The following BRINP2 variants were observed in gnomAD, a reference collection of about 807,000 sequenced individuals.
BRINP2 encodes BMP/retinoic acid-inducible neural-specific protein 2.
A neutral mutation model predicts 69.2 loss-of-function variants in BRINP2; 21 were observed. That is an observed-to-expected ratio of 0.30 (90% CI 0.22 to 0.44). BRINP2 has a LOEUF of 0.44. Ranked by LOEUF, BRINP2 falls within the 20% of genes least tolerant of loss-of-function variation. The probability of loss-of-function intolerance (pLI) is 1.00; values close to 1 mark genes in which losing one functional copy is unlikely to be tolerated. For missense variants in BRINP2, 877 were observed against 986.0 expected (o/e 0.89, Z 1.48); for synonymous variants, 380 against 394.1 (o/e 0.96, Z 0.42).
Position 177,257,282 on chromosome 1 carries a change from G to A in BRINP2, c.567G>A (p.Val189=), listed in dbSNP as rs1484659297. The A allele has an allele frequency of 6.2e-7, 1 of 1,614,130 alleles. No individual in the cohort carries two copies. Among genetic ancestry groups the A allele is most frequent in the Admixed American group, 1.7e-5 (1 of 60,012 alleles). Residue 189 remains valine (V), a synonymous_variant, in exon 4 of 8, where the codon GTG becomes GTA. Transcript: ENST00000361539. The stretch of plus-strand genomic sequence containing the variant: ...GGGGCAGTGGGAACAGCACAGCTGT[G>A]TCCCTGGAGACCCTGCACCAGCTGG... ...IIGGSGNSTA[V]SLETLHQLAA... is the part of the protein sequence containing the mutation.
At chr1:177,172,881 T>C (rs1647977791) in intron 1 of BRINP2, among the ~76,000 whole-genome samples, 1 of 152,224 alleles carries the variant, frequency 6.6e-6, no homozygotes, top group South Asian at 2.1e-4. Flanking sequence ...TATGTCAGCA[T>C]AGACCAATCA....
intron 1 of BRINP2, among the ~76,000 whole-genome samples, chr1:177,178,671 T>C (rs1400365990): frequency 1.3e-5 from 2 of 152,254 alleles, no homozygotes; most frequent in South Asian, 2.1e-4. Context: ...TTCTGACTTG[T>C]TGATATGGCC....
intron 2 of BRINP2, among the ~76,000 whole-genome samples, chr1:177,249,689 G>C (rs972239903): frequency 6.6e-6 from 1 of 152,138 alleles, no homozygotes; most frequent in African/African-American, 2.4e-5. Context: ...TTAAAAAAAA[G>C]AGCCTTGATT....
chr1:177,240,176 G>A (rs779722187), intron 2 of BRINP2, among the ~76,000 whole-genome samples: 1 of 152,200 alleles, frequency 6.6e-6, no homozygotes, highest in Non-Finnish European at 1.5e-5. Context: ...CACTGGTGAC[G>A]AAGGAGGGAT....
chr1:177,228,409 T>TGATCC lies in BRINP2; in HGVS notation c.-76-1388_-76-1384dup, dbSNP rs1649765408. On this transcript the variant is annotated intron_variant, in intron 1 of 7. Transcript: ENST00000361539. ...TGTGCAGCCCCTTTGGGATTCACACTGATCCGATGGAAGTCAGGTGGTTTT... is the reference window on the plus strand; with the variant it reads ...TGTGCAGCCCCTTTGGGATTCACACTGATCCGATCCGATGGAAGTCAGGTGGTTTT... Among the ~76,000 whole-genome samples, 2 of 152,188 alleles carry TGATCC rather than the reference T, an allele frequency of 1.3e-5. 1 individual carries two copies. The highest frequency in any genetic ancestry group is 4.1e-4 in the South Asian group (2 of 4,832).
At chr1:177,175,697 C>G (rs1238825563) in intron 1 of BRINP2, among the ~76,000 whole-genome samples, 2 of 152,158 alleles carry the variant, frequency 1.3e-5, no homozygotes, top group African/African-American at 4.8e-5. Context: ...CCCCAAGAAC[C>G]CAGTCTGTTT....
At chr1:177,201,189 A>G (rs1427257411) in intron 1 of BRINP2, among the ~76,000 whole-genome samples, 1 of 152,230 alleles carries the variant, frequency 6.6e-6, no homozygotes, top group Non-Finnish European at 1.5e-5. Context: ...ATTGAAATAA[A>G]AAAAAGAAAA....
intron 1 of BRINP2, among the ~76,000 whole-genome samples, chr1:177,197,917 CT>C (rs1259116404): frequency 1.3e-5 from 2 of 152,118 alleles, no homozygotes; most frequent in Non-Finnish European, 2.9e-5. Flanking sequence ...GGTGTTTCCA[CT>C]TTTTAAAATA....
intron 1 of BRINP2, among the ~76,000 whole-genome samples, chr1:177,213,430 A>AT (rs1422438862): frequency 6.6e-6 from 1 of 152,112 alleles, no homozygotes; most frequent in Admixed American, 6.6e-5. Flanking sequence ...TCCTTCCCTA[A>AT]TTGAGAACCA....
intron 1 of BRINP2, among the ~76,000 whole-genome samples, chr1:177,207,524 A>G (rs1484812721): frequency 1.3e-5 from 2 of 152,158 alleles, no homozygotes; most frequent in Non-Finnish European, 2.9e-5. Flanking sequence ...GTGGGGTGCA[A>G]CCAAGGGTCT....
chr1:177,223,470 G>C (rs1649603046), intron 1 of BRINP2, among the ~76,000 whole-genome samples: 1 of 152,144 alleles, frequency 6.6e-6, no homozygotes, highest in Non-Finnish European at 1.5e-5. Context: ...CCTTGGGACA[G>C]TCCTTGTGCA....
chr1:177,260,357 C>T (rs1650904911), intron 4 of BRINP2, among the ~76,000 whole-genome samples: 1 of 152,130 alleles, frequency 6.6e-6, no homozygotes, highest in African/African-American at 2.4e-5. Context: ...AGGGAATCTA[C>T]TCCTGGTGAT....
At chr1:177,230,215 C>G in intron 2 of BRINP2, 70 bp downstream of exon 2, 2 of 1,494,382 alleles carry the variant, frequency 1.3e-6, no homozygotes, top group Non-Finnish European at 9.0e-7. Context: ...TGCTGGTGTG[C>G]TGGCCCAAAC....
Position 177,256,132 on chromosome 1 carries a change from G to A in BRINP2, c.460+23G>A, listed in dbSNP as rs1178078059. 3 of 1,609,678 alleles carry A rather than the reference G, an allele frequency of 1.9e-6. No individual in the cohort carries two copies. The Admixed American group carries it at 5.0e-5, about 27-fold the overall frequency. On this transcript the variant is annotated intron_variant, in intron 3 of 7. Transcript: ENST00000361539. Reference sequence around the variant, plus strand: ...GAGGTAAGCAACATCACAATCCCAAGCTAATTGGTTGCCAGACCATTGGAA... The same window carrying A: ...GAGGTAAGCAACATCACAATCCCAAACTAATTGGTTGCCAGACCATTGGAA...
chr1:177,239,844 G>T (rs982875), intron 2 of BRINP2, among the ~76,000 whole-genome samples: 54,014 of 152,054 alleles, frequency 0.36, 10,193 homozygotes, highest in South Asian at 0.54. Context: ...TGGGGAAGAT[G>T]CAGGAATCTG....
At chr1:177,272,276 C>T (rs1651350911) in intron 4 of BRINP2, among the ~76,000 whole-genome samples, 1 of 152,210 alleles carries the variant, frequency 6.6e-6, no homozygotes, top group Non-Finnish European at 1.5e-5. Flanking sequence ...ACTTGGATGT[C>T]TATCAGTCAG....
At chr1:177,240,052 A>C (rs1185747383) in intron 2 of BRINP2, among the ~76,000 whole-genome samples, 1 of 152,222 alleles carries the variant, frequency 6.6e-6, no homozygotes, top group Non-Finnish European at 1.5e-5. Context: ...TGATGGGATA[A>C]AAACGAGGTA....
intron 1 of BRINP2, among the ~76,000 whole-genome samples, chr1:177,186,654 G>A (rs1299546255): frequency 6.6e-6 from 1 of 152,006 alleles, no homozygotes; most frequent in Non-Finnish European, 1.5e-5. Context: ...TCCAGATCCT[G>A]GATCTCTTCC....
At chr1:177,278,974 A>G (rs1651604370) in intron 7 of BRINP2, among the ~76,000 whole-genome samples, 189 bp downstream of exon 7, 1 of 152,222 alleles carries the variant, frequency 6.6e-6, no homozygotes, top group East Asian at 1.9e-4. Flanking sequence ...GAGAGAGAAA[A>G]AAAGATGGGC....
Sources: gnomAD v4.1 joint callset for allele counts (sites outside exome capture counted in the v4.1 genomes callset) on GRCh38, gnomAD v4.1.1 for gene constraint, MANE v1.5 for transcripts, NCBI Gene and HGNC (gene_info 2026-07-23, HGNC 2026-07-21) for gene names.